SPI1: variants seen among roughly 807,000 people sequenced by gnomAD.
SPI1 encodes the protein Spi-1 proto-oncogene.
SPI1 carries 3 observed loss-of-function variants against 30.7 expected under a neutral mutation model. That is an observed-to-expected ratio of 0.10 (90% CI 0.04 to 0.25). The LOEUF is 0.25. Ranked by LOEUF, SPI1 falls within the 10% of genes least tolerant of loss-of-function variation. The probability of loss-of-function intolerance (pLI) is 1.00; values close to 1 mark genes in which losing one functional copy is unlikely to be tolerated. For missense variants in SPI1, 261 were observed against 371.5 expected (o/e 0.70, Z 2.45); for synonymous variants, 169 against 157.1 (o/e 1.08, Z -0.56).
chr11:47,362,833 C>T (rs1015406980), intron 2 of SPI1, among the ~76,000 whole-genome samples: 2 of 151,760 alleles, frequency 1.3e-5, no homozygotes, highest in African/African-American at 4.8e-5. Context: ...CTCAGCCTCC[C>T]AAAGTGCTGG....
At chr11:47,373,983 A>G (rs1223064893) in intron 2 of SPI1, among the ~76,000 whole-genome samples, 1 of 152,262 alleles carries the variant, frequency 6.6e-6, no homozygotes, top group East Asian at 1.9e-4. Flanking sequence ...CAAAAGGCCC[A>G]AAGGAAACGC....
At chr11:47,358,794 G>T in intron 4 of SPI1, 50 bp downstream of exon 4, 1 of 1,536,074 alleles carries the variant, frequency 6.5e-7, no homozygotes, top group Non-Finnish European at 8.8e-7. Flanking sequence ...TGGGGGCAGG[G>T]CACAGACACG....
chr11:47,359,770 C>T lies in SPI1; in HGVS notation c.330+83G>A, dbSNP rs1229191624. ...GCAGGAAGCTGAGTTGGGTAAGAGC[C>T]TGTGTCAGCTTCCTGTGAAGCTCCC... On this transcript the variant is annotated intron_variant, in intron 3 of 4. Coordinates refer to ENST00000378538, the MANE Select transcript of SPI1 (RefSeq NM_003120.3). The surrounding 1 kb of genome is among the most constrained non-coding windows in gnomAD (Gnocchi z 5.1). 6.7e-7 allele frequency: 1 copy of T among 1,484,878 alleles called. No homozygotes were observed. The highest frequency in any genetic ancestry group is 1.4e-5 in the African/African-American group (1 of 72,606). 92.0% of individuals were successfully genotyped at this position (1,484,878 alleles called of 1,614,324 possible).
intron 4 of SPI1, among the ~76,000 whole-genome samples, chr11:47,357,043 A>G (rs894166692): frequency 3.3e-5 from 5 of 150,990 alleles, no homozygotes; most frequent in Non-Finnish European, 5.9e-5. Flanking sequence ...ACACACACTT[A>G]TGCTTACAAA....
intron 2 of SPI1, among the ~76,000 whole-genome samples, chr11:47,361,056 G>A (rs1368452880): frequency 6.6e-6 from 1 of 152,048 alleles, no homozygotes; most frequent in Non-Finnish European, 1.5e-5. Flanking sequence ...AGGAGGCGGA[G>A]GCTGCAGTGA....
In SPI1 at chr11:47,358,963, G is replaced by A; in HGVS notation, c.374C>T (p.Ser125Phe). ...PRMCLQYPSL[S>F]PAQPSSDEEE... is the part of the protein sequence containing the mutation. ...CTCATCTGAGCTGGGCTGGGCTGGG[G>A]ACAGGGATGGGTACTGGAGGCACAT... Residue 125 changes from serine to phenylalanine, a missense_variant, in exon 4 of 5, where the codon TCC (serine) becomes TTC (phenylalanine). Transcript: ENST00000378538. The A allele has an allele frequency of 1.3e-6, 2 of 1,556,006 alleles. No individual in the cohort carries two copies. The highest frequency in any genetic ancestry group is 1.7e-6 in the Non-Finnish European group (2 of 1,150,956).
Position 47,358,853 on chromosome 11 carries a change from C to T in SPI1, c.484G>A (p.Gly162Arg). Residue 162 changes from glycine to arginine, a missense_variant, in exon 4 of 5, where the codon GGG becomes AGG. Around this residue, in one of 5 missense-constraint regions of SPI1, gnomAD observed 106 missense variants for 102.0 expected, o/e 1.04. Coordinates refer to ENST00000378538, the MANE Select transcript of SPI1 (RefSeq NM_003120.3). ...GGGCCAGGTGCCCCACCTGTCTCCC[C>T]AGGCAGGAGCCCAGGCCCGGGCTCC... ...GLEPGPGLLP[G>R]ETGSKKKIRL... 6.5e-7 allele frequency: 1 copy of T among 1,548,816 alleles called. No individual in the cohort carries two copies. Among genetic ancestry groups the T allele is most frequent in the Non-Finnish European group, 8.7e-7 (1 of 1,145,492 alleles).
intron 4 of SPI1, among the ~76,000 whole-genome samples, chr11:47,357,096 CT>C (rs1565636293): frequency 6.6e-6 from 1 of 151,312 alleles, no homozygotes; most frequent in Non-Finnish European, 1.5e-5. Flanking sequence ...ATGCTAACAC[CT>C]CACACATTCA....
chr11:47,371,373 A>G (rs1180425133), intron 2 of SPI1, among the ~76,000 whole-genome samples: 1 of 91,080 alleles, frequency 1.1e-5, no homozygotes, highest in South Asian at 3.9e-4. Context: ...AAAAAAAAAA[A>G]AAAAAAAAAA....
chr11:47,360,895 G>A (rs549781515), intron 2 of SPI1, among the ~76,000 whole-genome samples: 1 of 151,636 alleles, frequency 6.6e-6, no homozygotes, highest in South Asian at 2.1e-4. Flanking sequence ...GCCGAGGTGG[G>A]TGGATAACGA....
chr11:47,373,774 C>T (rs2142897539), intron 2 of SPI1, among the ~76,000 whole-genome samples: 1 of 152,214 alleles, frequency 6.6e-6, no homozygotes, highest in Middle Eastern at 3.4e-3. Flanking sequence ...GGGTTCATGA[C>T]CAACATGGGG....
chr11:47,372,150 G>A (rs946799081), intron 2 of SPI1, among the ~76,000 whole-genome samples: 1 of 151,114 alleles, frequency 6.6e-6, no homozygotes, highest in Non-Finnish European at 1.5e-5. Context: ...CTGTCACCAG[G>A]TTGGAGTTCA....
At chr11:47,367,319 C>G (rs372617434) in intron 2 of SPI1, among the ~76,000 whole-genome samples, 1 of 151,826 alleles carries the variant, frequency 6.6e-6, no homozygotes, top group Admixed American at 6.6e-5. Flanking sequence ...TTTGGGAGGC[C>G]GAGGTGGGTG....
In SPI1 at chr11:47,375,438, G is replaced by A. The variant is rs184068703; in HGVS notation, c.142+195C>T. On this transcript the variant is annotated intron_variant, in intron 2 of 4. Transcript: ENST00000378538. This position sits in a 1 kb window ranked among gnomAD's most constrained non-coding sequence, Gnocchi z 4.2. ...AATGAACCCCGCACCTTGACACACT[G>A]CAGAGGCTCCATAATGGAGGCTCAG... Among the ~76,000 whole-genome samples the A allele has an allele frequency of 7.9e-3, 1,197 of 152,354 alleles. 9 individuals are homozygous for A. The highest frequency in any genetic ancestry group is 9.8e-3 in the Non-Finnish European group (666 of 68,038).
In SPI1 at chr11:47,355,037, G is replaced by T; in HGVS notation, c.*190C>A. On this transcript the variant is annotated 3_prime_UTR_variant, in exon 5 of 5. Coordinates refer to ENST00000378538, the MANE Select transcript of SPI1 (RefSeq NM_003120.3). Reference sequence around the variant, plus strand: ...GCTGGCGTCCGGGAGCCGGGGTGGAGTCCTGGAGGGAGGCGAAGCGGGATG... The same window carrying T: ...GCTGGCGTCCGGGAGCCGGGGTGGATTCCTGGAGGGAGGCGAAGCGGGATG... 2.6e-6 allele frequency: 1 copy of T among 385,306 alleles called. No individual in the cohort carries two copies. Among genetic ancestry groups the T allele is most frequent in the Non-Finnish European group, 4.3e-6 (1 of 230,186 alleles). 23.9% of individuals were successfully genotyped at this position (385,306 alleles called of 1,614,324 possible). A position where few individuals can be genotyped will look rare whatever the true frequency, so the allele number is the denominator to read the frequency against.
intron 2 of SPI1, among the ~76,000 whole-genome samples, chr11:47,373,244 T>G (rs1159343111): frequency 6.6e-6 from 1 of 151,726 alleles, no homozygotes. Context: ...CCTAGCTACT[T>G]GGGAGGCTGA....
At position 47,378,366 on chromosome 11, in the gene SPI1, C is replaced by T. The variant is rs749467026; in HGVS notation, c.-13G>A. 49 of 1,611,392 alleles carry T rather than the reference C, an allele frequency of 3.0e-5. No individual in the cohort carries two copies. The highest frequency in any genetic ancestry group is 1.6e-4 in the Middle Eastern group (1 of 6,070). ...ACGCCTGTAACATCCAGCCGGGCTC[C>T]GAGTCGGTCAGATCCCCTGCCTCGG... is the stretch of plus-strand genomic sequence containing the variant. On this transcript the variant is annotated 5_prime_UTR_variant, in exon 1 of 5. Coordinates refer to ENST00000378538, the MANE Select transcript of SPI1 (RefSeq NM_003120.3).
Position 47,359,113 on chromosome 11 carries a change from C to A in SPI1, c.331-107G>T. 2.0e-6 allele frequency: 2 copies of A among 1,009,622 alleles called. No individual in the cohort carries two copies. The highest frequency in any genetic ancestry group is 2.8e-6 in the Non-Finnish European group (2 of 707,860). 62.5% of individuals were successfully genotyped at this position (1,009,622 alleles called of 1,614,324 possible). ...GAGAAGGAGTGCAGAGGGCAGGGGA[C>A]AATGGCAGGCACAGGAGACTGGAGG... On this transcript the variant is annotated intron_variant, in intron 3 of 4. Coordinates refer to ENST00000378538, the MANE Select transcript of SPI1 (RefSeq NM_003120.3). This position sits in a 1 kb window ranked among gnomAD's most constrained non-coding sequence, Gnocchi z 5.1.
At chr11:47,367,187 A>G (rs2095929521) in intron 2 of SPI1, among the ~76,000 whole-genome samples, 1 of 152,124 alleles carries the variant, frequency 6.6e-6, no homozygotes, top group African/African-American at 2.4e-5. Context: ...GAAGAAGTAT[A>G]TGGAAATTGG....
Sources: allele counts gnomAD v4.1 joint callset (sites outside exome capture counted in the v4.1 genomes callset), GRCh38; gene constraint gnomAD v4.1.1; regional missense constraint gnomAD v4.1.1; non-coding constraint Gnocchi (gnomAD v3.1); transcripts MANE v1.5; gene names NCBI Gene and HGNC (gene_info 2026-07-23, HGNC 2026-07-21).